DNER: variants seen among roughly 807,000 people sequenced by gnomAD.
The protein encoded by DNER is delta/notch like EGF repeat containing, also known as delta and Notch-like epidermal growth factor-related receptor.
Under a neutral mutation model 78.2 loss-of-function variants are expected in DNER, and 33 were observed. The observed-to-expected ratio is 0.42, with a 90% CI of 0.32 to 0.56. The LOEUF (loss-of-function observed/expected upper bound fraction) is 0.56. Among genes scored for constraint, DNER ranks in the 20% least tolerant of loss-of-function variants. The pLI is 0.11. For missense variants in DNER, 918 were observed against 975.3 expected, an observed-to-expected ratio of 0.94 and a Z score of 0.78; for synonymous variants, 417 against 384.8, an observed-to-expected ratio of 1.08 and a Z score of -0.98.
At chr2:229,537,743 CTT>C (rs1471493219) in intron 5 of DNER, among the ~76,000 whole-genome samples, 1 of 151,792 alleles carries the variant, frequency 6.6e-6, no homozygotes, top group Admixed American at 6.6e-5. Context: ...TTTTATTTTT[CTT>C]TTTTTCTTTT....
intron 10 of DNER, among the ~76,000 whole-genome samples, chr2:229,398,290 A>T (rs1693193765): frequency 6.6e-6 from 1 of 152,136 alleles, no homozygotes; most frequent in Non-Finnish European, 1.5e-5. Flanking sequence ...CTCAAAAAAA[A>T]ATCACAACTC....
At chr2:229,556,889 T>G (rs2216251) in intron 4 of DNER, among the ~76,000 whole-genome samples, 34,839 of 152,192 alleles carry the variant, frequency 0.23, 5,607 homozygotes, top group African/African-American at 0.44. Flanking sequence ...TGCTGTTCAC[T>G]CAATAAGAAC....
intron 6 of DNER, among the ~76,000 whole-genome samples, chr2:229,508,879 TCAAAAA>T (rs1695802227): frequency 7.2e-6 from 1 of 139,224 alleles, no homozygotes; most frequent in Non-Finnish European, 1.6e-5. Context: ...AGACTCCATC[TCAAAAA>T]GAAAAGAAAA....
chr2:229,509,807 C>T (rs62192053), intron 6 of DNER, among the ~76,000 whole-genome samples: 3,105 of 152,240 alleles, frequency 0.02, 55 homozygotes, highest in Non-Finnish European at 0.029. Flanking sequence ...AAGAGCAAGA[C>T]TCTGTCTCAA....
chr2:229,432,714 G>A (rs1230424838), intron 8 of DNER, among the ~76,000 whole-genome samples: 1 of 152,020 alleles, frequency 6.6e-6, no homozygotes, highest in African/African-American at 2.4e-5. Context: ...CTCAAGACCC[G>A]CTGATTCAGG....
chr2:229,504,110 G>C (rs1162096318), intron 6 of DNER, among the ~76,000 whole-genome samples: 3 of 152,174 alleles, frequency 2.0e-5, no homozygotes, highest in Non-Finnish European at 4.4e-5. Context: ...GTGGTGACGT[G>C]TGTATGTGCA....
At chr2:229,451,304 A>G (rs1311203475) in intron 7 of DNER, among the ~76,000 whole-genome samples, 1 of 152,166 alleles carries the variant, frequency 6.6e-6, no homozygotes, top group East Asian at 1.9e-4. Flanking sequence ...TAAAAATACA[A>G]AAATTAGCCG....
chr2:229,666,992 G>A (rs1699103350), intron 1 of DNER, among the ~76,000 whole-genome samples: 1 of 152,206 alleles, frequency 6.6e-6, no homozygotes, highest in South Asian at 2.1e-4. Context: ...CATTTGGGCA[G>A]GAAAATAAAA....
chr2:229,408,590 A>T (rs1442709934), intron 9 of DNER, among the ~76,000 whole-genome samples: 1 of 152,232 alleles, frequency 6.6e-6, no homozygotes, highest in African/African-American at 2.4e-5. Flanking sequence ...TTTTCTCTGC[A>T]CTTCATTACT....
intron 7 of DNER, among the ~76,000 whole-genome samples, chr2:229,450,765 A>G (rs1694438099): frequency 6.6e-6 from 1 of 152,204 alleles, no homozygotes. Flanking sequence ...CTCAGAAAAA[A>G]TCAACCCTGC....
chr2:229,476,390 T>G (rs1004167705), intron 7 of DNER, among the ~76,000 whole-genome samples: 1 of 152,142 alleles, frequency 6.6e-6, no homozygotes, highest in African/African-American at 2.4e-5. Context: ...CTAAGGTAAT[T>G]GTGAATACAC....
chr2:229,587,466 A>G (rs1308313266), intron 3 of DNER, among the ~76,000 whole-genome samples: 1 of 151,982 alleles, frequency 6.6e-6, no homozygotes, highest in African/African-American at 2.4e-5. Context: ...CCTCTTCCAA[A>G]CATGTTCAGG....
intron 8 of DNER, among the ~76,000 whole-genome samples, chr2:229,430,147 GA>G (rs201196481): frequency 0.061 from 9,211 of 152,178 alleles, 950 homozygotes; most frequent in African/African-American, 0.21. Flanking sequence ...AAAAGGCTTG[GA>G]AAAACATCTT....
chr2:229,391,300 G>A (rs545330564), intron 10 of DNER, among the ~76,000 whole-genome samples: 1 of 152,218 alleles, frequency 6.6e-6, no homozygotes, highest in South Asian at 2.1e-4. Context: ...AGAGTTCTTA[G>A]TATACAGTAT....
chr2:229,605,724 CA>C (rs5839341), intron 1 of DNER, among the ~76,000 whole-genome samples: 67 of 149,644 alleles, frequency 4.5e-4, no homozygotes, highest in African/African-American at 1.6e-3. Flanking sequence ...CCCATCTCTA[CA>C]AAAAAAAAAT....
At chr2:229,712,381 T>G (rs1010017629) in intron 1 of DNER, among the ~76,000 whole-genome samples, 1 of 152,236 alleles carries the variant, frequency 6.6e-6, no homozygotes, top group Non-Finnish European at 1.5e-5. Flanking sequence ...TATCTGTTTT[T>G]AGAGTCACCA....
chr2:229,383,043 A>G (rs919834131), intron 11 of DNER, among the ~76,000 whole-genome samples: 7 of 152,216 alleles, frequency 4.6e-5, no homozygotes, highest in African/African-American at 1.7e-4. Context: ...AAGGAAGCCC[A>G]TCAGACTAAC....
At chr2:229,494,617 G>A (rs1032218864) in intron 6 of DNER, among the ~76,000 whole-genome samples, 2 of 152,164 alleles carry the variant, frequency 1.3e-5, no homozygotes, top group Admixed American at 6.5e-5. Context: ...AGTTATTCAG[G>A]CCCATTGAAA....
intron 4 of DNER, among the ~76,000 whole-genome samples, chr2:229,547,924 G>T (rs573015187): frequency 6.6e-6 from 1 of 152,210 alleles, no homozygotes; most frequent in Non-Finnish European, 1.5e-5. Flanking sequence ...TTTGCATCAA[G>T]GATTAAATTA....
Sources: allele counts gnomAD v4.1 joint callset (sites outside exome capture counted in the v4.1 genomes callset), GRCh38; gene constraint gnomAD v4.1.1; transcripts MANE v1.5; gene names NCBI Gene and HGNC (gene_info 2026-07-23, HGNC 2026-07-21).